Variants in CATSPERD observed in about 807,000 individuals in gnomAD.
The protein encoded by CATSPERD is cation channel sperm-associated auxiliary subunit delta.
Under a neutral mutation model 98.1 loss-of-function variants are expected in CATSPERD, and 86 were observed. That is an observed-to-expected ratio of 0.88 (90% confidence interval 0.74 to 1.05). The LOEUF (loss-of-function observed/expected upper bound fraction) is 1.05, where lower values mean the gene tolerates loss of function less well. Among genes scored for constraint, CATSPERD ranks in the 50% least tolerant of loss-of-function variants. CATSPERD has a pLI of 0.00. For synonymous variants in CATSPERD, 394 were observed against 390.2 expected, an observed-to-expected ratio of 1.01 and a Z score of -0.12; for missense variants, 995 against 1,005.7, an observed-to-expected ratio of 0.99 and a Z score of 0.14.
At chr19:5,761,036 G>T (rs1337301960) in intron 15 of CATSPERD, among the ~76,000 whole-genome samples, 6 of 79,678 alleles carry the variant, frequency 7.5e-5, no homozygotes, top group African/African-American at 2.0e-4. Flanking sequence ...TATTTGTTTT[G>T]TTTTTGTTTT....
chr19:5,763,297 G>C lies in CATSPERD; in HGVS notation c.1506+4G>C. 6.2e-7 allele frequency: 1 copy of C among 1,611,934 alleles called. No homozygotes were observed. The highest frequency in any genetic ancestry group is 8.5e-7 in the Non-Finnish European group (1 of 1,178,074). ...ATGTGTGGATATCAAGCCACTGGTA[G>C]GTCCCAAATCTTTGCTGTCCCATAT... On this transcript the variant is annotated splice_donor_region_variant and intron_variant, in intron 16 of 21. Transcript: ENST00000381624.
intron 9 of CATSPERD, among the ~76,000 whole-genome samples, chr19:5,746,597 T>A (rs1235630403): frequency 1.4e-5 from 2 of 146,926 alleles, no homozygotes; most frequent in Non-Finnish European, 3.1e-5. Flanking sequence ...CCCGGCTAAT[T>A]TTTTTTTTTG....
At chr19:5,750,557 A>G (rs2056192604) in intron 11 of CATSPERD, among the ~76,000 whole-genome samples, 2 of 151,580 alleles carry the variant, frequency 1.3e-5, no homozygotes, top group Admixed American at 1.3e-4. Flanking sequence ...CATGGGCAAC[A>G]TAGTGAGACC....
Position 5,724,825 on chromosome 19 carries a change from C to G in CATSPERD, c.89C>G (p.Thr30Arg). The change falls in exon 2 of 22, where the codon ACA (threonine) becomes AGA (arginine). Residue 30 changes from threonine to arginine, a missense_variant. By Grantham distance (71) the Thr-to-Arg change is moderately conservative. Transcript: ENST00000381624. ...ACTTCTAGTTCTCGCACAGTGAGGACAGGAAAAGTGTTTAATCTGATACAG... is the reference window on the plus strand; with the variant it reads ...ACTTCTAGTTCTCGCACAGTGAGGAGAGGAAAAGTGTTTAATCTGATACAG... ...AQLCRSRTVR[T>R]GKVFNLIQDV... is the part of the protein sequence containing the mutation. The G allele has an allele frequency of 6.2e-7, 1 of 1,614,076 alleles. No individual in the cohort carries two copies. Among genetic ancestry groups the G allele is most frequent in the Non-Finnish European group, 8.5e-7 (1 of 1,179,944 alleles).
At chr19:5,730,871 G>A (rs2055701611) in intron 4 of CATSPERD, among the ~76,000 whole-genome samples, 1 of 152,012 alleles carries the variant, frequency 6.6e-6, no homozygotes, top group South Asian at 2.1e-4. Flanking sequence ...CGTGGTGGCA[G>A]GTGCTTGTAG....
chr19:5,720,792 A>C lies in CATSPERD; in HGVS notation c.55A>C (p.Thr19Pro). Residue 19 changes from threonine (T) to proline (P), a missense_variant, in exon 1 of 22, where the codon ACA becomes CCA. By Grantham distance (38) the Thr-to-Pro change is conservative. Coordinates refer to ENST00000381624, the MANE Select transcript of CATSPERD (RefSeq NM_152784.4). ...GACCATGTGGCTCCGACCGCTGGTC[A>C]CAGCTCAGCTCTGTCGGTGGGGCTG... ...AVTMWLRPLVTAQLCRSRTVR... is the reference protein window; with the variant it reads ...AVTMWLRPLVPAQLCRSRTVR... 1 of 1,601,162 alleles carries C rather than the reference A, an allele frequency of 6.2e-7. No homozygotes were observed. Among genetic ancestry groups the C allele is most frequent in the East Asian group, 2.2e-5 (1 of 44,826 alleles).
At chr19:5,764,186 A>G (rs1599580805) in intron 16 of CATSPERD, among the ~76,000 whole-genome samples, 1 of 147,710 alleles carries the variant, frequency 6.8e-6, no homozygotes. Context: ...CTCCTGCCTC[A>G]GCCTCCCAAA....
intron 3 of CATSPERD, among the ~76,000 whole-genome samples, chr19:5,728,356 C>CAAAAAAAAAA (rs564166119): frequency 2.5e-5 from 2 of 80,938 alleles, no homozygotes; most frequent in African/African-American, 4.9e-5. Flanking sequence ...GACTCTGTCT[C>CAAAAAAAAAA]AAAAAAAAAA....
Position 5,720,671 on chromosome 19 carries a change from T to TA in CATSPERD, c.-66dup, listed in dbSNP as rs2055437536. ...CATGCGCAGGGCTTCAGCCTGCACG[T>TA]ACTCGGATTGTGCAGCGACTCCCCG... On this transcript the variant is annotated 5_prime_UTR_variant, in exon 1 of 22. It introduces an in-frame stop codon into an upstream open reading frame of the 5' UTR. Coordinates refer to ENST00000381624, the MANE Select transcript of CATSPERD (RefSeq NM_152784.4). The TA allele has an allele frequency of 5.4e-6, 8 of 1,484,054 alleles. No individual in the cohort carries two copies. Among genetic ancestry groups the TA allele is most frequent in the Non-Finnish European group, 7.4e-6 (8 of 1,081,918 alleles). 91.9% of individuals were successfully genotyped at this position (1,484,054 alleles called of 1,614,324 possible). A position where few individuals can be genotyped will look rare whatever the true frequency, so the allele number is the denominator to read the frequency against.
chr19:5,772,368 C>T (rs1258936597), intron 19 of CATSPERD: 2 of 252,686 alleles, frequency 7.9e-6, no homozygotes, highest in Non-Finnish European at 1.6e-5. Context: ...GCTGGGATTA[C>T]AGGCGCCCGC....
Position 5,749,203 on chromosome 19 carries a change from G to A in CATSPERD, c.987+20G>A, listed in dbSNP as rs763910713. On this transcript the variant is annotated intron_variant, in intron 11 of 21. Transcript: ENST00000381624. ...ATCAAAGTAGGTAAAAAGAAAGTGG[G>A]GTTATGGGCTGGGCACGGTGGTTCA... The A allele has an allele frequency of 1.3e-6, 2 of 1,589,718 alleles. No individual in the cohort carries two copies. Among genetic ancestry groups the A allele is most frequent in the South Asian group, 1.1e-5 (1 of 89,852 alleles).
chr19:5,754,393 CTT>C (rs749080620), intron 13 of CATSPERD, 148 bp downstream of exon 13: 7,454 of 226,544 alleles, frequency 0.033, 1 homozygote, highest in Middle Eastern at 0.059. Context: ...GTCTCTGTGT[CTT>C]TTTTTTTTTT....
intron 7 of CATSPERD, among the ~76,000 whole-genome samples, chr19:5,739,919 T>TA (rs1403440796): frequency 6.6e-6 from 1 of 151,504 alleles, no homozygotes; most frequent in East Asian, 1.9e-4. Flanking sequence ...CCTAGGAAGT[T>TA]AGAGACAAAA....
At chr19:5,738,305 G>A (rs1307537604) in intron 6 of CATSPERD, among the ~76,000 whole-genome samples, 2 of 146,426 alleles carry the variant, frequency 1.4e-5, no homozygotes. Flanking sequence ...TTACAAATTC[G>A]AGGCTAATAT....
chr19:5,741,721 C>G (rs1259496897), intron 7 of CATSPERD, among the ~76,000 whole-genome samples: 1 of 141,324 alleles, frequency 7.1e-6, no homozygotes, highest in Non-Finnish European at 1.5e-5. Flanking sequence ...GCCTTCAAAT[C>G]AAATGACCGC....
At position 5,763,384 on chromosome 19, in the gene CATSPERD, G is replaced by C. The variant is rs1180905997; in HGVS notation, c.1506+91G>C. On this transcript the variant is annotated intron_variant, in intron 16 of 21. Coordinates refer to ENST00000381624, the MANE Select transcript of CATSPERD (RefSeq NM_152784.4). ...CCTGAGGTTGCAATGAGCTGAGATA[G>C]TGCCACTGCACTCCAACCTGGGTGC... 2.1e-5 allele frequency: 20 copies of C among 970,430 alleles called. 1 individual carries two copies. The South Asian group carries it at 2.2e-4, about 11-fold the overall frequency. The allele number at this position is 970,430 out of a possible 1,614,324, so 60.1% of individuals were successfully genotyped here.
At position 5,740,920 on chromosome 19, in the gene CATSPERD, A is replaced by T. The variant is rs190512883; in HGVS notation, c.573+1481A>T. Among the ~76,000 whole-genome samples the T allele has an allele frequency of 1.2e-4, 18 of 151,890 alleles. 1 individual carries two copies. The highest frequency in any genetic ancestry group is 4.3e-4 in the African/African-American group (18 of 41,412). ...GGCAATACGGGGAAACCCTGTCTCT[A>T]CCAAAAATATAACAATTAGCCGGGC... On this transcript the variant is annotated intron_variant, in intron 7 of 21. Transcript: ENST00000381624.
intron 1 of CATSPERD, among the ~76,000 whole-genome samples, chr19:5,722,786 G>C (rs1313872446): frequency 6.6e-6 from 1 of 151,060 alleles, no homozygotes; most frequent in Non-Finnish European, 1.5e-5. Flanking sequence ...GAGCACCTCT[G>C]CTGTAAACTA....
chr19:5,763,229 C>T lies in CATSPERD; in HGVS notation c.1442C>T (p.Thr481Ile), dbSNP rs1333510899. The T allele has an allele frequency of 1.2e-6, 2 of 1,613,948 alleles. No individual in the cohort carries two copies. Among genetic ancestry groups the T allele is most frequent in the East Asian group, 4.5e-5 (2 of 44,886 alleles). Reference sequence around the variant, plus strand: ...TTGCCTTGCAGTTTAAAGAAAGCCACCATGTCTACCTTAACTGTGGACATA... The same window carrying T: ...TTGCCTTGCAGTTTAAAGAAAGCCATCATGTCTACCTTAACTGTGGACATA... ...SNFTSSLKKA[T>I]MSTLTVDIAN... Residue 481 changes from threonine (T) to isoleucine (I), a missense_variant, in exon 16 of 22, where the codon ACC becomes ATC. By Grantham distance (89) the Thr-to-Ile change is moderately conservative (BLOSUM62 -1). Around this residue, in one of 3 missense-constraint regions of CATSPERD, gnomAD observed 762 missense variants for 773.7 expected, o/e 0.98. Transcript: ENST00000381624.
Sources: gnomAD v4.1 joint callset for allele counts (sites outside exome capture counted in the v4.1 genomes callset) on GRCh38, gnomAD v4.1.1 for gene constraint, gnomAD v4.1.1 regional missense constraint, MANE v1.5 for transcripts, NCBI Gene and HGNC (gene_info 2026-07-23, HGNC 2026-07-21) for gene names.